C5orf46: variants seen among roughly 807,000 people sequenced by gnomAD.
C5orf46 encodes chromosome 5 open reading frame 46.
A neutral mutation model predicts 8.9 loss-of-function variants in C5orf46; 9 were observed. The observed-to-expected ratio is 1.01, with a 90% CI of 0.61 to 1.76. The LOEUF (loss-of-function observed/expected upper bound fraction) is 1.76. Among genes scored for constraint, C5orf46 ranks in the 40% most tolerant of loss-of-function variants. The pLI, the probability that C5orf46 is intolerant of heterozygous loss-of-function variation, is 0.00. For synonymous variants in C5orf46, 47 were observed against 41.4 expected, an observed-to-expected ratio of 1.14 and a Z score of -0.52; for missense variants, 98 against 107.8, an observed-to-expected ratio of 0.91 and a Z score of 0.40.
chr5:147,901,648 G>A lies in C5orf46; in HGVS notation c.196C>T (p.Arg66Cys), dbSNP rs375956579. The A allele has an allele frequency of 2.3e-5, 37 of 1,613,970 alleles. No homozygotes were observed. The highest frequency in any genetic ancestry group is 1.7e-4 in the Middle Eastern group (1 of 6,054). The change falls in exon 2 of 4, where the codon CGC (arginine) becomes TGC (cysteine). Residue 66 changes from arginine to cysteine, a missense_variant. Coordinates refer to ENST00000318315, the MANE Select transcript of C5orf46 (RefSeq NM_206966.3). ...GCTTACGTGCTCCTGGACATGGAGC[G>A]GAGGATGAACTCGACTGCATTCTCA... The part of the protein sequence containing the change: ...IIENAVEFIL[R>C]SMSRSTGFME...
intron 2 of C5orf46, among the ~76,000 whole-genome samples, chr5:147,901,125 A>G (rs1481336744): frequency 6.6e-6 from 1 of 152,148 alleles, no homozygotes; most frequent in Admixed American, 6.5e-5. Context: ...GCTAGAAAAT[A>G]TAGGCAGGAC....
chr5:147,901,490 G>A, intron 2 of C5orf46, 139 bp downstream of exon 2: 1 of 739,154 alleles, frequency 1.4e-6, no homozygotes, highest in South Asian at 2.7e-5. Flanking sequence ...TTTAAGTAGG[G>A]CAACATTTTT....
At chr5:147,901,816 G>A (rs1168114829) in intron 1 of C5orf46, 43 bp from the exon 2 acceptor site, 11 of 1,592,246 alleles carry the variant, frequency 6.9e-6, no homozygotes, top group Non-Finnish European at 9.4e-6. Context: ...CAGCAACAAA[G>A]AAGGAATCAT....
intron 2 of C5orf46, among the ~76,000 whole-genome samples, chr5:147,898,280 T>C (rs1757613912): frequency 6.6e-6 from 1 of 152,056 alleles, no homozygotes; most frequent in South Asian, 2.1e-4. Context: ...GAAATGTATA[T>C]AGGGTGCATA....
chr5:147,905,323 A>C (rs117385182), intron 1 of C5orf46, among the ~76,000 whole-genome samples: 63 of 152,222 alleles, frequency 4.1e-4, no homozygotes, highest in African/African-American at 1.4e-3. Context: ...ATCCCGTTTT[A>C]CAGATAAAGA....
chr5:147,901,766 T>G lies in C5orf46; in HGVS notation c.78A>C (p.Lys26Asn). 3 of 1,613,600 alleles carry G rather than the reference T, an allele frequency of 1.9e-6. No homozygotes were observed. Among genetic ancestry groups the G allele is most frequent in the Non-Finnish European group, 2.5e-6 (3 of 1,179,830 alleles). The change falls in exon 2 of 4, where the codon AAA (lysine) becomes AAC (asparagine). Residue 26 changes from lysine (K) to asparagine (N), a missense_variant. Lys to Asn is a moderately conservative substitution (Grantham distance 94, BLOSUM62 0). Coordinates refer to ENST00000318315, the MANE Select transcript of C5orf46 (RefSeq NM_206966.3). ...VLFLTCYADD[K>N]PDKPDDKPDD... The stretch of plus-strand genomic sequence containing the variant: ...CTGGCTTGTCGTCTGGCTTGTCTGG[T>G]TTGTCGTCTGAAAAACAACAGAATC...
At chr5:147,888,099 G>A (rs985944906), downstream of C5orf46, among the ~76,000 whole-genome samples, 1 of 152,104 alleles carries the variant, frequency 6.6e-6, no homozygotes, top group African/African-American at 2.4e-5. Flanking sequence ...ATATCCACTT[G>A]CATTAGTCAG....
At chr5:147,898,718 G>C (rs75869763) in intron 2 of C5orf46, among the ~76,000 whole-genome samples, 11,154 of 152,136 alleles carry the variant, frequency 0.073, 467 homozygotes, top group Middle Eastern at 0.16. Flanking sequence ...AATGGCTAGT[G>C]GTAGAGAGAG....
At chr5:147,890,835 C>G (rs960838464), downstream of C5orf46, among the ~76,000 whole-genome samples, 1 of 148,130 alleles carries the variant, frequency 6.8e-6, no homozygotes, top group Non-Finnish European at 1.5e-5. Context: ...CAGGTAGGAT[C>G]TTTGCCACAT....
At chr5:147,902,187 C>T (rs1193758235) in intron 1 of C5orf46, among the ~76,000 whole-genome samples, 1 of 152,166 alleles carries the variant, frequency 6.6e-6, no homozygotes, top group Non-Finnish European at 1.5e-5. Context: ...TGAGGTGGCT[C>T]ATGCCTGTAA....
intron 1 of C5orf46, 35 bp from the exon 2 acceptor site, chr5:147,901,808 G>A (rs1757676175): frequency 1.9e-6 from 3 of 1,599,034 alleles, no homozygotes; most frequent in Admixed American, 3.5e-5. Context: ...GTGATTCTCA[G>A]CAACAAAGAA....
At chr5:147,905,949 C>A (rs1006207678) in intron 1 of C5orf46, among the ~76,000 whole-genome samples, 36 of 152,162 alleles carry the variant, frequency 2.4e-4, no homozygotes, top group African/African-American at 8.2e-4. Context: ...CAATTTGTTT[C>A]ATTCCTTTTA....
At position 147,892,838 on chromosome 5, in the gene C5orf46, G is replaced by A. The variant is rs930685944; in HGVS notation, c.*111C>T. The A allele has an allele frequency of 1.3e-5, 2 of 152,154 alleles. No individual in the cohort carries two copies. Among genetic ancestry groups the A allele is most frequent in the East Asian group, 3.9e-4 (2 of 5,194 alleles). 9.4% of individuals were successfully genotyped at this position (152,154 alleles called of 1,614,324 possible). ...AGAGCCTGAATCCTGAGAACTCGTTGGGAGTTGCTTTGAGGGCTCTGTCCT... is the reference window on the plus strand; with the variant it reads ...AGAGCCTGAATCCTGAGAACTCGTTAGGAGTTGCTTTGAGGGCTCTGTCCT... On this transcript the variant is annotated 3_prime_UTR_variant, in exon 4 of 4. Transcript: ENST00000318315.
At chr5:147,889,011 C>T (rs1757461900), downstream of C5orf46, among the ~76,000 whole-genome samples, 1 of 151,736 alleles carries the variant, frequency 6.6e-6, no homozygotes, top group Non-Finnish European at 1.5e-5. Flanking sequence ...TTTTAAAATG[C>T]CCTTTGATCT....
At chr5:147,887,961 A>G (rs1757445492), downstream of C5orf46, among the ~76,000 whole-genome samples, 1 of 152,180 alleles carries the variant, frequency 6.6e-6, no homozygotes. Context: ...GACACAAGCC[A>G]AGGTCAAACC....
At chr5:147,905,157 G>A (rs1460517546) in intron 1 of C5orf46, among the ~76,000 whole-genome samples, 1 of 151,988 alleles carries the variant, frequency 6.6e-6, no homozygotes, top group Non-Finnish European at 1.5e-5. Flanking sequence ...AGTATTATAT[G>A]GGATAGCCTT....
chr5:147,890,230 A>C (rs1288155068), downstream of C5orf46, among the ~76,000 whole-genome samples: 6 of 152,172 alleles, frequency 3.9e-5, no homozygotes, highest in African/African-American at 1.4e-4. Context: ...AGGCACTTGA[A>C]AGCAAAAATC....
intron 2 of C5orf46, among the ~76,000 whole-genome samples, chr5:147,897,339 A>C (rs1757597871): frequency 6.6e-6 from 1 of 152,228 alleles, no homozygotes; most frequent in Admixed American, 6.5e-5. Flanking sequence ...CACTTAGAAC[A>C]GTGCATGGCA....
At chr5:147,888,466 G>C (rs1226227779), downstream of C5orf46, among the ~76,000 whole-genome samples, 2 of 152,094 alleles carry the variant, frequency 1.3e-5, no homozygotes, top group African/African-American at 4.8e-5. Context: ...TTGCTTTCCA[G>C]CCACCTTGAC....
Sources: gnomAD v4.1 joint callset for allele counts (sites outside exome capture counted in the v4.1 genomes callset) on GRCh38, gnomAD v4.1.1 for gene constraint, MANE v1.5 for transcripts, NCBI Gene and HGNC (gene_info 2026-07-23, HGNC 2026-07-21) for gene names.